The following ZNF469 variants were observed in gnomAD, a reference collection of about 807,000 sequenced individuals.
ZNF469 encodes zinc finger protein 469.
In ZNF469, 1 loss-of-function variant was observed where a neutral mutation model predicts 1.0. That is an observed-to-expected ratio of 1.00 (90% CI 0.35 to 4.73). ZNF469 has a LOEUF of 4.73. Among genes scored for constraint, ZNF469 ranks in the 30% most tolerant of loss-of-function variants. The pLI, the probability that ZNF469 is intolerant of heterozygous loss-of-function variation, is 0.16. For missense variants in ZNF469, 6,100 were observed against 5,356.3 expected (o/e 1.14, Z -4.33); for synonymous variants, 2,703 against 2,363.4 (o/e 1.14, Z -4.17).
At chr16:88,226,953 C>T in the ZNF469 span, among the ~76,000 whole-genome samples, 83 of 152,056 alleles carry the variant, frequency 5.5e-4, 1 homozygote, top group African/African-American at 1.9e-3. Context: ...ATGCCCTGCG[C>T]GTTTCCACCC....
At chr16:88,143,750 T>A in the ZNF469 span, among the ~76,000 whole-genome samples, 2 of 152,262 alleles carry the variant, frequency 1.3e-5, no homozygotes, top group African/African-American at 2.4e-5. Flanking sequence ...AGTCGCAGCC[T>A]TGCGGGGAGC....
the ZNF469 span, among the ~76,000 whole-genome samples, chr16:88,288,989 T>C: frequency 2.6e-5 from 4 of 152,064 alleles, no homozygotes; most frequent in African/African-American, 9.7e-5. Flanking sequence ...ACAGTGGTGG[T>C]GATGATGGTG....
chr16:88,428,544 T>C lies in ZNF469; in HGVS notation c.1074T>C (p.Pro358=), dbSNP rs1399057216. 12 of 1,549,982 alleles carry C rather than the reference T, an allele frequency of 7.7e-6. No individual in the cohort carries two copies. Among genetic ancestry groups the C allele is most frequent in the Non-Finnish European group, 1.0e-5 (12 of 1,146,858 alleles). Residue 358 remains proline, a synonymous_variant, in exon 3 of 3, where the codon CCT becomes CCC. Transcript: ENST00000565624. ...HSDLSGALSS[P]GAAHSAPRPF... ...ACCTCAGTGGTGCCCTCTCTTCCCC[T>C]GGAGCTGCTCACTCGGCCCCGAGAC...
chr16:88,138,394 G>A, the ZNF469 span, among the ~76,000 whole-genome samples: 5 of 152,352 alleles, frequency 3.3e-5, no homozygotes, highest in African/African-American at 1.2e-4. Flanking sequence ...CCAGCGGGTT[G>A]TCAAGGGATG....
the ZNF469 span, among the ~76,000 whole-genome samples, chr16:88,299,395 G>T: frequency 2.6e-5 from 4 of 152,146 alleles, no homozygotes; most frequent in African/African-American, 9.7e-5. Flanking sequence ...AGAGGGCTTC[G>T]GAGAGGCCGG....
the ZNF469 span, among the ~76,000 whole-genome samples, chr16:88,195,865 C>T: frequency 5.3e-5 from 8 of 152,172 alleles, no homozygotes; most frequent in Non-Finnish European, 8.8e-5. Flanking sequence ...AGGACAGCCT[C>T]TGTGGGTTTG....
At chr16:88,228,074 GC>G in the ZNF469 span, among the ~76,000 whole-genome samples, 1 of 152,232 alleles carries the variant, frequency 6.6e-6, no homozygotes, top group East Asian at 1.9e-4. Flanking sequence ...TGCATTTAGG[GC>G]CCCCGATCCA....
At chr16:88,161,861 C>G in the ZNF469 span, among the ~76,000 whole-genome samples, 1 of 152,176 alleles carries the variant, frequency 6.6e-6, no homozygotes, top group South Asian at 2.1e-4. Flanking sequence ...GTGCAATGTC[C>G]TGCACTTGGG....
At chr16:88,286,058 C>A in the ZNF469 span, among the ~76,000 whole-genome samples, 27 of 152,376 alleles carry the variant, frequency 1.8e-4, no homozygotes, top group East Asian at 4.6e-3. Flanking sequence ...GAGCCCCAGT[C>A]CCAGCCCACT....
chr16:88,112,769 A>G, the ZNF469 span, among the ~76,000 whole-genome samples: 876 of 123,316 alleles, frequency 7.1e-3, 7 homozygotes, highest in African/African-American at 0.025. Flanking sequence ...TGCTGTGCAG[A>G]AGCTTTTTTT....
the ZNF469 span, among the ~76,000 whole-genome samples, chr16:88,163,141 G>C: frequency 7.4e-6 from 1 of 134,342 alleles, no homozygotes; most frequent in African/African-American, 2.9e-5. Flanking sequence ...TGAATAGATG[G>C]GTAGATAGGT....
chr16:88,109,235 G>A, the ZNF469 span, among the ~76,000 whole-genome samples: 13 of 152,278 alleles, frequency 8.5e-5, no homozygotes, highest in African/African-American at 3.1e-4. Flanking sequence ...TTCTTTGTGG[G>A]TGAGGCCCCA....
Position 88,438,287 on chromosome 16 carries a change from C to G in ZNF469, c.10817C>G (p.Ala3606Gly), listed in dbSNP as rs1325325825. The G allele has an allele frequency of 6.5e-7, 1 of 1,548,208 alleles. No homozygotes were observed. The highest frequency in any genetic ancestry group is 8.7e-7 in the Non-Finnish European group (1 of 1,145,426). The change falls in exon 3 of 3, where the codon GCC (alanine) becomes GGC (glycine). Residue 3606 changes from alanine (A) to glycine (G), a missense_variant. Ala to Gly is a moderately conservative substitution (Grantham distance 60, BLOSUM62 0). Transcript: ENST00000565624. Reference protein sequence around the residue: ...PLGASLPRPGARGQDAEGKRA... With the variant: ...PLGASLPRPGGRGQDAEGKRA... ...GGGGCATCTCTGCCGCGGCCGGGAG[C>G]CAGAGGCCAAGATGCGGAGGGAAAG...
At chr16:88,154,345 A>T in the ZNF469 span, among the ~76,000 whole-genome samples, 2 of 151,992 alleles carry the variant, frequency 1.3e-5, no homozygotes, top group Admixed American at 6.6e-5. Context: ...TTTAGTAGAG[A>T]TGTAGAGATG....
chr16:88,182,840 A>G, the ZNF469 span, among the ~76,000 whole-genome samples: 498 of 152,146 alleles, frequency 3.3e-3, 2 homozygotes, highest in African/African-American at 0.011. Flanking sequence ...ATAGTCAAAG[A>G]TTCTTAGATA....
At chr16:88,157,409 C>T in the ZNF469 span, among the ~76,000 whole-genome samples, 1 of 152,212 alleles carries the variant, frequency 6.6e-6, no homozygotes, top group Non-Finnish European at 1.5e-5. Flanking sequence ...GCACCAGTTC[C>T]ACCTCCTGTG....
At chr16:88,188,022 G>T in the ZNF469 span, among the ~76,000 whole-genome samples, 259 of 152,156 alleles carry the variant, frequency 1.7e-3, 2 homozygotes, top group Admixed American at 4.1e-3. Context: ...CTGCTCCCCA[G>T]TTCTCCTCCC....
the ZNF469 span, among the ~76,000 whole-genome samples, chr16:88,240,673 A>C: frequency 0.54 from 82,156 of 151,920 alleles, 24,397 homozygotes; most frequent in African/African-American, 0.79. Flanking sequence ...GAGCCCTCAA[A>C]ATAGGGGAAA....
the ZNF469 span, among the ~76,000 whole-genome samples, chr16:88,317,726 C>T: frequency 6.6e-6 from 1 of 152,226 alleles, no homozygotes; most frequent in African/African-American, 2.4e-5. Context: ...GTGCAGCTTC[C>T]CAGACGCCTT....
Sources: allele counts gnomAD v4.1 joint callset (sites outside exome capture counted in the v4.1 genomes callset), GRCh38; gene constraint gnomAD v4.1.1; transcripts MANE v1.5; gene names NCBI Gene and HGNC (gene_info 2026-07-23, HGNC 2026-07-21).